The following CERT1 variants were observed in gnomAD, a reference collection of about 807,000 sequenced individuals.
The protein encoded by CERT1 is ceramide transporter 1.
In CERT1, 31 loss-of-function variants were observed where a neutral mutation model predicts 87.9. The observed-to-expected ratio is 0.35, with a 90% CI of 0.27 to 0.48. The LOEUF is 0.48. Among genes scored for constraint, CERT1 ranks in the 20% least tolerant of loss-of-function variants. The pLI is 0.99. For synonymous variants in CERT1, 289 were observed against 250.9 expected (o/e 1.15, Z -1.44); for missense variants, 487 against 758.0 (o/e 0.64, Z 4.20).
chr5:75,484,252 A>C (rs1766394037), intron 2 of CERT1, among the ~76,000 whole-genome samples: 1 of 152,012 alleles, frequency 6.6e-6, no homozygotes, highest in Non-Finnish European at 1.5e-5. Flanking sequence ...ACAGACAAAA[A>C]GCAAAAAATT....
intron 2 of CERT1, among the ~76,000 whole-genome samples, chr5:75,464,774 C>T (rs1212290643): frequency 6.6e-6 from 1 of 152,082 alleles, no homozygotes; most frequent in African/African-American, 2.4e-5. Flanking sequence ...CAAGGTCTTG[C>T]CATGTTGCCC....
chr5:75,386,547 ATACCT>A (rs1253805018), intron 12 of CERT1, among the ~76,000 whole-genome samples: 8 of 152,250 alleles, frequency 5.3e-5, no homozygotes, highest in Non-Finnish European at 1.2e-4. Flanking sequence ...CTGAGGTTAC[ATACCT>A]TAAATGCTAA....
At chr5:75,405,897 T>C (rs1280878023) in intron 8 of CERT1, among the ~76,000 whole-genome samples, 1 of 149,184 alleles carries the variant, frequency 6.7e-6, no homozygotes, top group African/African-American at 2.5e-5. Flanking sequence ...TCTTGTAATG[T>C]ATCCCCCCCA....
Position 75,381,132 on chromosome 5 carries a change from C to T in CERT1, c.1687G>A (p.Glu563Lys). Reference protein sequence around the residue: ...MICQTLVSPPEGNQEISRDNI... With the variant: ...MICQTLVSPPKGNQEISRDNI... ...TCCCTGCTAATTTCCTGGTTTCCCT[C>T]TGGTGGGCTTACCAAGGTTTGACAA... The change falls in exon 16 of 17, where the codon GAG becomes AAG. Residue 563 changes from glutamate to lysine, a missense_variant. Transcript: ENST00000643780. 3.1e-6 allele frequency: 5 copies of T among 1,614,122 alleles called. No individual in the cohort carries two copies. The highest frequency in any genetic ancestry group is 4.2e-6 in the Non-Finnish European group (5 of 1,180,010).
At chr5:75,511,907 G>T, upstream of CERT1, 1 of 1,328,004 alleles carries the variant, frequency 7.5e-7, no homozygotes, top group South Asian at 1.4e-5. Flanking sequence ...GCGATCCTGA[G>T]GTAACGGGTG....
chr5:75,511,772 G>C (rs1246004359), upstream of CERT1: 1 of 1,551,346 alleles, frequency 6.4e-7, no homozygotes, highest in African/African-American at 1.4e-5. Context: ...CGGCTCTCCC[G>C]GGTGACGACG....
At chr5:75,478,404 G>A (rs966196588) in intron 2 of CERT1, among the ~76,000 whole-genome samples, 4 of 151,916 alleles carry the variant, frequency 2.6e-5, no homozygotes, top group African/African-American at 4.8e-5. Context: ...GAAAGCAAAC[G>A]AGCAAATTAA....
intron 1 of CERT1, among the ~76,000 whole-genome samples, chr5:75,508,004 TTC>T (rs1442532632): frequency 1.2e-4 from 19 of 152,308 alleles, no homozygotes; most frequent in African/African-American, 2.9e-4. Flanking sequence ...CTCTAGTATC[TTC>T]TGTTTTTTTC....
chr5:75,421,859 C>G (rs563991797), intron 5 of CERT1, among the ~76,000 whole-genome samples: 43 of 152,286 alleles, frequency 2.8e-4, no homozygotes, highest in Non-Finnish European at 5.3e-4. Context: ...TCTACAGAAG[C>G]AGGAGATATT....
rs780957038 is a variant in CERT1 at position 75,511,258 on chromosome 5, C to G, written c.-51G>C. 6.3e-7 allele frequency: 1 copy of G among 1,599,608 alleles called. No individual in the cohort carries two copies. Among genetic ancestry groups the G allele is most frequent in the Non-Finnish European group, 8.5e-7 (1 of 1,173,140 alleles). On this transcript the variant is annotated 5_prime_UTR_variant, in exon 1 of 17. Transcript: ENST00000643780. Reference sequence around the variant, plus strand: ...CCGGCCCCCGCTCCCTCAGCTGCGCCGGAGGAGGCGCCCAGTCCTCGGGGT... The same window carrying G: ...CCGGCCCCCGCTCCCTCAGCTGCGCGGGAGGAGGCGCCCAGTCCTCGGGGT...
At chr5:75,509,661 A>G (rs1232307689) in intron 1 of CERT1, among the ~76,000 whole-genome samples, 1 of 152,166 alleles carries the variant, frequency 6.6e-6, no homozygotes, top group Non-Finnish European at 1.5e-5. Context: ...CAGTAGGTCA[A>G]AAGTACAATT....
At chr5:75,467,417 A>G (rs1427243139) in intron 2 of CERT1, among the ~76,000 whole-genome samples, 1 of 152,022 alleles carries the variant, frequency 6.6e-6, no homozygotes, top group East Asian at 1.9e-4. Context: ...TGAGGTGGGC[A>G]GATAGCTTGA....
At chr5:75,499,490 G>C (rs1290413575) in intron 2 of CERT1, among the ~76,000 whole-genome samples, 1 of 152,074 alleles carries the variant, frequency 6.6e-6, no homozygotes, top group Non-Finnish European at 1.5e-5. Context: ...TGCCGCCCTG[G>C]GAAGAAGTGC....
At position 75,492,341 on chromosome 5, in the gene CERT1, C is replaced by T. The variant is rs186596638; in HGVS notation, c.231+13641G>A. 1.3e-4 allele frequency among the ~76,000 whole-genome samples: 20 copies of T among 152,054 alleles called. No homozygotes were observed. In the East Asian group the frequency reaches 2.5e-3, roughly 19 times the overall value. Reference sequence around the variant, plus strand: ...TTGCATCACTGCATTCCAGCCTGGACGGCAGCATTAGGCCCTGTTTAAAAT... The same window carrying T: ...TTGCATCACTGCATTCCAGCCTGGATGGCAGCATTAGGCCCTGTTTAAAAT... On this transcript the variant is annotated intron_variant, in intron 2 of 16. Transcript: ENST00000643780.
intron 4 of CERT1, 56 bp from the exon 5 acceptor site, chr5:75,425,555 G>A: frequency 1.9e-6 from 3 of 1,560,914 alleles, no homozygotes; most frequent in Non-Finnish European, 2.6e-6. Context: ...TGGATTTCAT[G>A]TGGTCCTATG....
intron 2 of CERT1, among the ~76,000 whole-genome samples, chr5:75,468,696 T>C (rs1765572004): frequency 1.3e-5 from 2 of 152,194 alleles, no homozygotes; most frequent in Non-Finnish European, 1.5e-5. Context: ...TTCTAGTCTA[T>C]TGTTATACTG....
At chr5:75,418,550 G>A (rs1255695415) in intron 6 of CERT1, among the ~76,000 whole-genome samples, 5 of 152,156 alleles carry the variant, frequency 3.3e-5, no homozygotes, top group African/African-American at 9.7e-5. Context: ...GCTCATAGCA[G>A]TTTTATTTGT....
At position 75,511,465 on chromosome 5, in the gene CERT1, C is replaced by A; in HGVS notation, c.-258G>T. On this transcript the variant is annotated 5_prime_UTR_variant, in exon 1 of 17. Coordinates refer to ENST00000643780, the MANE Select transcript of CERT1 (RefSeq NM_001379029.1). Reference sequence around the variant, plus strand: ...TCAGCCGCCGCCGCCGTCGCCGTGACCCCTGCGTTGCGCCCGGCGCTGCCA... The same window carrying A: ...TCAGCCGCCGCCGCCGTCGCCGTGAACCCTGCGTTGCGCCCGGCGCTGCCA... 1 of 1,519,280 alleles carries A rather than the reference C, an allele frequency of 6.6e-7. No individual in the cohort carries two copies. Among genetic ancestry groups the A allele is most frequent in the Non-Finnish European group, 8.8e-7 (1 of 1,133,618 alleles). 94.1% of individuals were successfully genotyped at this position (1,519,280 alleles called of 1,614,324 possible). A position where few individuals can be genotyped will look rare whatever the true frequency, so the allele number is the denominator to read the frequency against.
At chr5:75,416,781 G>T (rs1245533604) in intron 7 of CERT1, 95 bp downstream of exon 7, 2 of 1,120,988 alleles carry the variant, frequency 1.8e-6, no homozygotes, top group African/African-American at 1.6e-5. Context: ...ATCAACCCAA[G>T]ATTCTTCCCT....
Sources: gnomAD v4.1 joint callset for allele counts (sites outside exome capture counted in the v4.1 genomes callset) on GRCh38, gnomAD v4.1.1 for gene constraint, MANE v1.5 for transcripts, NCBI Gene and HGNC (gene_info 2026-07-23, HGNC 2026-07-21) for gene names.